Variants in RALB observed in about 807,000 individuals in gnomAD.
RALB encodes the protein RAS like proto-oncogene B.
A neutral mutation model predicts 21.3 loss-of-function variants in RALB; 16 were observed. That is an observed-to-expected ratio of 0.75 (90% CI 0.51 to 1.14). The LOEUF (loss-of-function observed/expected upper bound fraction) is 1.14. RALB is among the 50% of genes most tolerant of loss of function. The pLI, the probability that RALB is intolerant of heterozygous loss-of-function variation, is 0.00. For synonymous variants in RALB, 93 were observed against 96.1 expected, an observed-to-expected ratio of 0.97 and a Z score of 0.19; for missense variants, 161 against 256.2, an observed-to-expected ratio of 0.63 and a Z score of 2.54.
chr2:120,280,247 A>C (rs1689954692), intron 2 of RALB, among the ~76,000 whole-genome samples: 1 of 152,232 alleles, frequency 6.6e-6, no homozygotes, highest in Non-Finnish European at 1.5e-5. Flanking sequence ...ATGTAGTCAC[A>C]TGCACATGTA....
At chr2:120,275,787 G>A (rs1689778104) in intron 1 of RALB, among the ~76,000 whole-genome samples, 1 of 152,112 alleles carries the variant, frequency 6.6e-6, no homozygotes, top group Admixed American at 6.5e-5. Context: ...CAGAGTTCTT[G>A]GTCTCATGGC....
chr2:120,252,372 C>T (rs774540525), upstream of RALB, among the ~76,000 whole-genome samples: 1 of 152,208 alleles, frequency 6.6e-6, no homozygotes, highest in Non-Finnish European at 1.5e-5. Context: ...AGGTGGAGTC[C>T]CGCCCCAAGA....
chr2:120,269,256 T>A (rs1689589274), intron 1 of RALB, among the ~76,000 whole-genome samples: 1 of 152,144 alleles, frequency 6.6e-6, no homozygotes, highest in African/African-American at 2.4e-5. Context: ...TTCCTTCCGG[T>A]GGGTTCATGG....
chr2:120,255,362 G>A (rs545286559), intron 1 of RALB, among the ~76,000 whole-genome samples: 9 of 152,226 alleles, frequency 5.9e-5, no homozygotes, highest in East Asian at 3.9e-4. Context: ...ATCACATGGC[G>A]GAGTAGTTAA....
At chr2:120,279,821 C>G (rs1470975464) in intron 2 of RALB, among the ~76,000 whole-genome samples, 2 of 152,188 alleles carry the variant, frequency 1.3e-5, no homozygotes, top group African/African-American at 2.4e-5. Flanking sequence ...AAGATCACTA[C>G]CTCTTTTCAC....
chr2:120,266,343 C>T (rs1402280231), intron 1 of RALB, among the ~76,000 whole-genome samples: 1 of 152,200 alleles, frequency 6.6e-6, no homozygotes, highest in Non-Finnish European at 1.5e-5. Flanking sequence ...CTCCCGGGTT[C>T]AAGCGATTAT....
chr2:120,246,962 C>T (rs1688981348), intron 1 of RALB, among the ~76,000 whole-genome samples: 1 of 152,358 alleles, frequency 6.6e-6, no homozygotes, highest in East Asian at 1.9e-4. Flanking sequence ...TGGTAGGCTG[C>T]AAATCATATT....
At chr2:120,248,269 C>T (rs1689002526), upstream of RALB, among the ~76,000 whole-genome samples, 1 of 152,170 alleles carries the variant, frequency 6.6e-6, no homozygotes, top group Non-Finnish European at 1.5e-5. Flanking sequence ...GGGCCTCTTT[C>T]TAATAATACG....
chr2:120,291,434 T>A (rs1690301225), intron 4 of RALB, among the ~76,000 whole-genome samples: 1 of 152,132 alleles, frequency 6.6e-6, no homozygotes, highest in South Asian at 2.1e-4. Context: ...TGGCTCATTT[T>A]AAAAAAATCA....
intron 1 of RALB, among the ~76,000 whole-genome samples, chr2:120,242,567 T>A (rs991416178): frequency 6.6e-6 from 1 of 151,916 alleles, no homozygotes; most frequent in East Asian, 1.9e-4. Flanking sequence ...ACCCCGTCTC[T>A]ACTAAAAATA....
chr2:120,283,935 G>A (rs1179462805), intron 2 of RALB, among the ~76,000 whole-genome samples: 2 of 152,218 alleles, frequency 1.3e-5, no homozygotes, highest in Non-Finnish European at 2.9e-5. Context: ...ATTGAGTACA[G>A]AGGTATGTAG....
At chr2:120,279,768 T>C (rs1019805668) in intron 2 of RALB, among the ~76,000 whole-genome samples, 2 of 152,184 alleles carry the variant, frequency 1.3e-5, no homozygotes, top group Non-Finnish European at 2.9e-5. Context: ...GCCACATGGC[T>C]TTATGAGATT....
chr2:120,291,079 C>T (rs1690293311), intron 4 of RALB, among the ~76,000 whole-genome samples: 1 of 152,200 alleles, frequency 6.6e-6, no homozygotes, highest in Admixed American at 6.5e-5. Context: ...GCTTTATTTT[C>T]ACTTGAAGTG....
chr2:120,265,253 T>G (rs1050158531), intron 1 of RALB, among the ~76,000 whole-genome samples: 1 of 152,262 alleles, frequency 6.6e-6, no homozygotes, highest in African/African-American at 2.4e-5. Flanking sequence ...CTTTTGCTCA[T>G]GGGCTGCAAA....
intron 1 of RALB, among the ~76,000 whole-genome samples, chr2:120,265,921 T>C (rs530572646): frequency 6.6e-6 from 1 of 152,382 alleles, no homozygotes; most frequent in East Asian, 1.9e-4. Context: ...TCTCCACGGC[T>C]GCCTCTTCAG....
intron 1 of RALB, among the ~76,000 whole-genome samples, chr2:120,242,742 A>G (rs1041665113): frequency 3.3e-5 from 5 of 152,062 alleles, no homozygotes; most frequent in Admixed American, 1.3e-4. Flanking sequence ...CATCTCAAAA[A>G]ATAGTAATAA....
chr2:120,277,232 T>C (rs1322044273), intron 1 of RALB, among the ~76,000 whole-genome samples: 1 of 151,978 alleles, frequency 6.6e-6, no homozygotes, highest in Non-Finnish European at 1.5e-5. Flanking sequence ...TGTGAGAGCA[T>C]ATGTGTGTGT....
intron 1 of RALB, among the ~76,000 whole-genome samples, chr2:120,261,347 A>C (rs562303928): frequency 6.6e-6 from 1 of 152,186 alleles, no homozygotes; most frequent in Non-Finnish European, 1.5e-5. Flanking sequence ...TAAGAGCAGG[A>C]ATGTGTACTC....
intron 1 of RALB, among the ~76,000 whole-genome samples, chr2:120,277,399 G>C (rs1689830335): frequency 1.3e-5 from 2 of 151,836 alleles, no homozygotes; most frequent in South Asian, 4.2e-4. Context: ...ATGTGTGAGA[G>C]CATGTGAACA....
Sources: gnomAD v4.1 joint callset for allele counts (sites outside exome capture counted in the v4.1 genomes callset) on GRCh38, gnomAD v4.1.1 for gene constraint, MANE v1.5 for transcripts, NCBI Gene and HGNC (gene_info 2026-07-23, HGNC 2026-07-21) for gene names.